SCARB1: variants seen among roughly 807,000 people sequenced by gnomAD.
SCARB1 encodes scavenger receptor class B member 1.
In SCARB1, 30 loss-of-function variants were observed where a neutral mutation model predicts 57.2. The observed-to-expected ratio is 0.52, with a 90% CI of 0.39 to 0.71. The LOEUF (loss-of-function observed/expected upper bound fraction) is 0.71. Ranked by LOEUF, SCARB1 falls within the 30% of genes least tolerant of loss-of-function variation. SCARB1 has a pLI of 0.00. For synonymous variants in SCARB1, 249 were observed against 268.3 expected (o/e 0.93, Z 0.70); for missense variants, 543 against 671.2 (o/e 0.81, Z 2.11).
At chr12:124,856,929 G>A (rs1325760626) in intron 1 of SCARB1, among the ~76,000 whole-genome samples, 1 of 152,234 alleles carries the variant, frequency 6.6e-6, no homozygotes, top group East Asian at 1.9e-4. Context: ...GAAGGGAGAG[G>A]CCAGGGTGCA....
At chr12:124,846,384 C>T (rs746236696) in intron 1 of SCARB1, among the ~76,000 whole-genome samples, 4 of 152,142 alleles carry the variant, frequency 2.6e-5, no homozygotes, top group Non-Finnish European at 4.4e-5. Flanking sequence ...GATTCAGGCA[C>T]ATGTCCCTTG....
At chr12:124,797,141 C>T (rs1389038312) in intron 8 of SCARB1, among the ~76,000 whole-genome samples, 1 of 152,164 alleles carries the variant, frequency 6.6e-6, no homozygotes, top group East Asian at 1.9e-4. Flanking sequence ...TGTCACAACT[C>T]ATTGCTAAAG....
chr12:124,809,224 C>A (rs944872719), intron 6 of SCARB1, among the ~76,000 whole-genome samples: 1 of 151,970 alleles, frequency 6.6e-6, no homozygotes, highest in Non-Finnish European at 1.5e-5. Flanking sequence ...GGCTAGTGAA[C>A]CTGGGTGAAG....
intron 2 of SCARB1, among the ~76,000 whole-genome samples, chr12:124,816,244 ACTT>A (rs1429158166): frequency 6.6e-6 from 1 of 151,840 alleles, no homozygotes; most frequent in Non-Finnish European, 1.5e-5. Context: ...TTATTTGTCC[ACTT>A]CTTTACTCTC....
intron 1 of SCARB1, among the ~76,000 whole-genome samples, chr12:124,818,875 G>A (rs1242182116): frequency 1.3e-5 from 2 of 152,122 alleles, no homozygotes; most frequent in African/African-American, 4.8e-5. Context: ...TGGCCAGGCT[G>A]GTCTCCTGAC....
At chr12:124,797,849 A>G (rs556739395) in intron 8 of SCARB1, among the ~76,000 whole-genome samples, 3 of 152,354 alleles carry the variant, frequency 2.0e-5, no homozygotes, top group South Asian at 4.1e-4. Context: ...AGCATCCGCC[A>G]TGGAGCTTCG....
At chr12:124,842,327 C>G (rs1308275668) in intron 1 of SCARB1, among the ~76,000 whole-genome samples, 2 of 152,184 alleles carry the variant, frequency 1.3e-5, no homozygotes, top group Non-Finnish European at 2.9e-5. Flanking sequence ...TAACACAAGC[C>G]GAGAAAGCCC....
intron 1 of SCARB1, among the ~76,000 whole-genome samples, chr12:124,855,561 A>G (rs1313299882): frequency 6.6e-6 from 1 of 152,134 alleles, no homozygotes; most frequent in Non-Finnish European, 1.5e-5. Context: ...GGGGAGGGAG[A>G]CGAGGTAAAT....
At position 124,863,670 on chromosome 12, in the gene SCARB1, C is replaced by T. The variant is rs565337334; in HGVS notation, c.51G>A (p.Ala17=). ...CGCCCAGCACAGCGCACAGTAGCCC[C>T]GCGACGCCCAGCGCCCCGGCAGCCC... ...ARWAAGALGV[A]GLLCAVLGAV... The change falls in exon 1 of 13, where the codon GCG becomes GCA. Residue 17 remains alanine, a synonymous_variant. Coordinates refer to ENST00000261693, the MANE Select transcript of SCARB1 (RefSeq NM_005505.5). 3.8e-6 allele frequency: 6 copies of T among 1,571,934 alleles called. No homozygotes were observed. The highest frequency in any genetic ancestry group is 5.2e-6 in the Non-Finnish European group (6 of 1,160,282).
At chr12:124,826,050 A>G (rs1350013628) in intron 1 of SCARB1, among the ~76,000 whole-genome samples, 1 of 151,648 alleles carries the variant, frequency 6.6e-6, no homozygotes, top group Non-Finnish European at 1.5e-5. Flanking sequence ...CACTAAAAAC[A>G]AAGAGGTGGC....
chr12:124,801,983 T>G (rs1387835701), intron 7 of SCARB1, among the ~76,000 whole-genome samples: 1 of 151,566 alleles, frequency 6.6e-6, no homozygotes, highest in Non-Finnish European at 1.5e-5. Context: ...AAACCCCGTC[T>G]CTACTAAAAA....
At chr12:124,840,183 G>T (rs1435046649) in intron 1 of SCARB1, among the ~76,000 whole-genome samples, 3 of 148,906 alleles carry the variant, frequency 2.0e-5, no homozygotes, top group African/African-American at 7.5e-5. Flanking sequence ...TTGGCTATCT[G>T]CATTTTTTTT....
At chr12:124,840,214 C>T (rs571058822) in intron 1 of SCARB1, among the ~76,000 whole-genome samples, 1 of 151,478 alleles carries the variant, frequency 6.6e-6, no homozygotes, top group African/African-American at 2.4e-5. Flanking sequence ...CAGAGTCTTG[C>T]TCTGTTGCCC....
At chr12:124,861,284 C>T (rs544865013) in intron 1 of SCARB1, among the ~76,000 whole-genome samples, 1 of 152,220 alleles carries the variant, frequency 6.6e-6, no homozygotes, top group East Asian at 1.9e-4. Context: ...CTTATAATAC[C>T]TAATACGATG....
chr12:124,793,708 A>AT (rs1442913514), intron 9 of SCARB1, among the ~76,000 whole-genome samples: 2 of 151,040 alleles, frequency 1.3e-5, no homozygotes, highest in Admixed American at 6.6e-5. Flanking sequence ...AAAAAAAAAA[A>AT]AAAAAAGAAT....
chr12:124,858,448 C>T (rs549178980), intron 1 of SCARB1, among the ~76,000 whole-genome samples: 9 of 152,260 alleles, frequency 5.9e-5, no homozygotes, highest in African/African-American at 9.6e-5. Flanking sequence ...AAATGAGTTG[C>T]GCTTCCCCAA....
chr12:124,859,179 T>C (rs1394951190), intron 1 of SCARB1, among the ~76,000 whole-genome samples: 1 of 152,170 alleles, frequency 6.6e-6, no homozygotes, highest in Non-Finnish European at 1.5e-5. Context: ...CCACCATGCT[T>C]GGCCTTGTAA....
chr12:124,832,603 G>A (rs1951451253), intron 1 of SCARB1, among the ~76,000 whole-genome samples: 1 of 151,722 alleles, frequency 6.6e-6, no homozygotes, highest in Non-Finnish European at 1.5e-5. Flanking sequence ...GGCCAAATCA[G>A]TGCCTCACCG....
At chr12:124,809,413 C>G (rs973385189) in intron 6 of SCARB1, among the ~76,000 whole-genome samples, 7 of 152,012 alleles carry the variant, frequency 4.6e-5, no homozygotes, top group African/African-American at 1.7e-4. Context: ...AGCGAGATCC[C>G]CATCTCTAAA....
Sources: gnomAD v4.1 joint callset for allele counts (sites outside exome capture counted in the v4.1 genomes callset) on GRCh38, gnomAD v4.1.1 for gene constraint, MANE v1.5 for transcripts, NCBI Gene and HGNC (gene_info 2026-07-23, HGNC 2026-07-21) for gene names.